The following AMBRA1 variants were observed in gnomAD, a reference collection of about 807,000 sequenced individuals.
AMBRA1 encodes autophagy and beclin 1 regulator 1.
A neutral mutation model predicts 125.4 loss-of-function variants in AMBRA1; 47 were observed. The observed-to-expected ratio is 0.37, with a 90% CI of 0.30 to 0.48. AMBRA1 has a LOEUF of 0.48. Among genes scored for constraint, AMBRA1 ranks in the 20% least tolerant of loss-of-function variants. AMBRA1 has a pLI of 0.99. For synonymous variants in AMBRA1, 626 were observed against 655.5 expected (o/e 0.95, Z 0.69); for missense variants, 1,331 against 1,693.4 (o/e 0.79, Z 3.76).
rs2042892646 is a variant in AMBRA1 at position 46,548,442 on chromosome 11, C to T, written c.-62G>A. On this transcript the variant is annotated 5_prime_UTR_variant, in exon 2 of 18. Coordinates refer to ENST00000683756, the MANE Select transcript of AMBRA1 (RefSeq NM_001387011.1). Reference sequence around the variant, plus strand: ...ATGAAGGAGCAAGTAACAGCTCCAACACACTGAAGCAGCTAAAATGAGGCC... The same window carrying T: ...ATGAAGGAGCAAGTAACAGCTCCAATACACTGAAGCAGCTAAAATGAGGCC... The T allele has an allele frequency of 1.9e-6, 3 of 1,598,874 alleles. No homozygotes were observed. In the South Asian group the frequency reaches 3.3e-5, roughly 18 times the overall value.
At chr11:46,570,856 T>A (rs1024070132) in intron 1 of AMBRA1, among the ~76,000 whole-genome samples, 2 of 152,144 alleles carry the variant, frequency 1.3e-5, no homozygotes, top group East Asian at 3.8e-4. Flanking sequence ...TTTAGCATAC[T>A]TTTGGAAGAC....
intron 11 of AMBRA1, among the ~76,000 whole-genome samples, chr11:46,445,432 G>C (rs900810564): frequency 2.0e-5 from 3 of 152,090 alleles, no homozygotes; most frequent in African/African-American, 7.2e-5. Context: ...CGTATCATAA[G>C]ATGAGGTAAA....
At chr11:46,461,539 G>A (rs1393863621) in intron 11 of AMBRA1, among the ~76,000 whole-genome samples, 2 of 149,572 alleles carry the variant, frequency 1.3e-5, no homozygotes, top group South Asian at 2.1e-4. Context: ...AACATAGTAT[G>A]GGGGAGGTCA....
chr11:46,456,640 TTTA>T (rs1948856875), intron 11 of AMBRA1, among the ~76,000 whole-genome samples: 1 of 152,150 alleles, frequency 6.6e-6, no homozygotes, highest in Non-Finnish European at 1.5e-5. Context: ...TCCCGCAGCT[TTTA>T]TTGTTTGGTG....
chr11:46,561,097 T>C (rs2135238593), intron 1 of AMBRA1, among the ~76,000 whole-genome samples: 1 of 152,236 alleles, frequency 6.6e-6, no homozygotes, highest in Non-Finnish European at 1.5e-5. Flanking sequence ...AGAATATTGT[T>C]GGGCCAGGCG....
At chr11:46,493,478 C>T in intron 11 of AMBRA1, 130 bp downstream of exon 11, 1 of 713,688 alleles carries the variant, frequency 1.4e-6, no homozygotes, top group Non-Finnish European at 2.2e-6. Flanking sequence ...AATATCAAAC[C>T]AGGACCCCAA....
At chr11:46,556,367 A>G (rs375228913) in intron 1 of AMBRA1, among the ~76,000 whole-genome samples, 1 of 152,202 alleles carries the variant, frequency 6.6e-6, no homozygotes, top group South Asian at 2.1e-4. Context: ...GAATGTGGGG[A>G]AAAACATCAT....
rs201193906 is a variant in AMBRA1, at chr11:46,452,901, CTGTT to C, written c.2522-9307_2522-9304del. ...TGCCCAAATATATATGTGTGTCTGT[CTGTT>C]TAAAATTATAGCTTTACTGAGATAT... On this transcript the variant is annotated intron_variant, in intron 11 of 17. Coordinates refer to ENST00000683756, the MANE Select transcript of AMBRA1 (RefSeq NM_001387011.1). Among the ~76,000 whole-genome samples the C allele has an allele frequency of 2.0e-5, 3 of 152,298 alleles. No homozygotes were observed. The East Asian group carries it at 5.8e-4, about 29-fold the overall frequency.
intron 1 of AMBRA1, among the ~76,000 whole-genome samples, chr11:46,557,829 C>G (rs1036617318): frequency 6.6e-6 from 1 of 151,754 alleles, no homozygotes; most frequent in Non-Finnish European, 1.5e-5. Context: ...AAACATAGCC[C>G]GGCATGGTGA....
intron 11 of AMBRA1, among the ~76,000 whole-genome samples, chr11:46,445,071 C>CAAAAAAAAAAAAAA (rs11386442): frequency 2.2e-5 from 2 of 89,824 alleles, no homozygotes; most frequent in Non-Finnish European, 4.9e-5. Context: ...AAAAGAAAAA[C>CAAAAAAAAAAAAAA]AAAAAAAAAA....
intron 7 of AMBRA1, among the ~76,000 whole-genome samples, chr11:46,526,182 G>A (rs895211682): frequency 1.2e-4 from 18 of 151,974 alleles, no homozygotes; most frequent in African/African-American, 3.9e-4. Context: ...CTCCAGTCTG[G>A]GCAACAAGAG....
chr11:46,432,640 G>T (rs577621186), intron 14 of AMBRA1, among the ~76,000 whole-genome samples: 1 of 152,260 alleles, frequency 6.6e-6, no homozygotes, highest in East Asian at 1.9e-4. Context: ...ACACTGAACC[G>T]AATTGGGTGG....
intron 12 of AMBRA1, among the ~76,000 whole-genome samples, chr11:46,437,744 C>G (rs533002829): frequency 6.6e-6 from 1 of 151,974 alleles, no homozygotes; most frequent in Non-Finnish European, 1.5e-5. Flanking sequence ...TTATTTAGGC[C>G]ACAGGAAAGT....
intron 15 of AMBRA1, among the ~76,000 whole-genome samples, chr11:46,416,173 A>G (rs1024883458): frequency 1.3e-5 from 2 of 152,210 alleles, no homozygotes; most frequent in Non-Finnish European, 2.9e-5. Flanking sequence ...ATTCTGTGCC[A>G]GTTTTGGAAA....
chr11:46,437,695 T>C (rs1947793299), intron 12 of AMBRA1, among the ~76,000 whole-genome samples: 1 of 152,240 alleles, frequency 6.6e-6, no homozygotes, highest in Non-Finnish European at 1.5e-5. Flanking sequence ...GATGAGTTAA[T>C]TCATACAGGA....
chr11:46,471,066 C>CTAAT (rs1949567044), intron 11 of AMBRA1, among the ~76,000 whole-genome samples: 1 of 152,172 alleles, frequency 6.6e-6, no homozygotes, highest in South Asian at 2.1e-4. Context: ...GAATCCCTAT[C>CTAAT]TAATAGATGA....
At chr11:46,407,011 T>A (rs907205594) in intron 17 of AMBRA1, among the ~76,000 whole-genome samples, 3 of 151,576 alleles carry the variant, frequency 2.0e-5, no homozygotes, top group Admixed American at 6.6e-5. Flanking sequence ...AAACCCTGTC[T>A]CTACTAAAAA....
chr11:46,503,060 CAAAAAAAAA>C lies in AMBRA1; in HGVS notation c.2339+5122_2339+5130del, dbSNP rs35217088. On this transcript the variant is annotated intron_variant, in intron 9 of 17. Coordinates refer to ENST00000683756, the MANE Select transcript of AMBRA1 (RefSeq NM_001387011.1). ...TGGGTGACAGAGCGAGACTCTGTCT[CAAAAAAAAA>C]AAAAAAAAAAAAAAAAAAATGAATT... Among the ~76,000 whole-genome samples, 125 of 31,026 alleles carry C rather than the reference CAAAAAAAAA, an allele frequency of 4.0e-3. 1 individual carries two copies. The highest frequency in any genetic ancestry group is 8.3e-3 in the African/African-American group (107 of 12,902). The allele number at this position is 31,026 out of a possible 152,430, so 20.4% of individuals were successfully genotyped here. A position where few individuals can be genotyped will look rare whatever the true frequency, so the allele number is the denominator to read the frequency against.
intron 1 of AMBRA1, among the ~76,000 whole-genome samples, chr11:46,553,348 G>C (rs887015359): frequency 2.6e-5 from 4 of 152,152 alleles, no homozygotes; most frequent in African/African-American, 9.7e-5. Flanking sequence ...TACACAACCA[G>C]ATGTATCCAA....
Sources: allele counts gnomAD v4.1 joint callset (sites outside exome capture counted in the v4.1 genomes callset), GRCh38; gene constraint gnomAD v4.1.1; transcripts MANE v1.5; gene names NCBI Gene and HGNC (gene_info 2026-07-23, HGNC 2026-07-21).